Variants in PDS5B observed in about 807,000 individuals in gnomAD.
PDS5B encodes the protein PDS5 cohesin associated factor B.
A neutral mutation model predicts 184.1 loss-of-function variants in PDS5B; 51 were observed. That is an observed-to-expected ratio of 0.28 (90% CI 0.22 to 0.35). The LOEUF (loss-of-function observed/expected upper bound fraction) is 0.35, where lower values mean the gene tolerates loss of function less well. Among genes scored for constraint, PDS5B ranks in the 10% least tolerant of loss-of-function variants. PDS5B has a pLI of 1.00. For missense variants in PDS5B, 1,180 were observed against 1,723.3 expected, an observed-to-expected ratio of 0.68 and a Z score of 5.58; for synonymous variants, 566 against 569.2, an observed-to-expected ratio of 0.99 and a Z score of 0.08.
chr13:32,633,531 ATTAGATTTAGT>A (rs2058491215), intron 1 of PDS5B, among the ~76,000 whole-genome samples: 1 of 152,234 alleles, frequency 6.6e-6, no homozygotes, highest in African/African-American at 2.4e-5. Context: ...CTAGATTCAG[ATTAGATTTAGT>A]AATATTAATC....
At chr13:32,638,984 A>G (rs567445496) in intron 1 of PDS5B, among the ~76,000 whole-genome samples, 54 of 152,226 alleles carry the variant, frequency 3.5e-4, no homozygotes, top group African/African-American at 1.3e-3. Flanking sequence ...GCGGCGTTGT[A>G]CAAGAATGTG....
intron 13 of PDS5B, among the ~76,000 whole-genome samples, chr13:32,693,895 C>T (rs1951624760): frequency 6.6e-6 from 1 of 151,628 alleles, no homozygotes; most frequent in African/African-American, 2.4e-5. Flanking sequence ...TCTCTCATAA[C>T]TAATTCTTCT....
At chr13:32,745,853 A>C in intron 23 of PDS5B, 124 bp from the exon 24 acceptor site, 2 of 753,746 alleles carry the variant, frequency 2.7e-6, no homozygotes. Context: ...GGACACAAAC[A>C]TTCAGATCAC....
intron 1 of PDS5B, among the ~76,000 whole-genome samples, chr13:32,633,512 T>C (rs1289880115): frequency 6.6e-6 from 1 of 152,212 alleles, no homozygotes; most frequent in Admixed American, 6.5e-5. Context: ...GTAGATGTAA[T>C]CAGTGAGACT....
At chr13:32,739,484 T>G (rs537117925) in intron 21 of PDS5B, among the ~76,000 whole-genome samples, 2 of 152,366 alleles carry the variant, frequency 1.3e-5, no homozygotes, top group African/African-American at 4.8e-5. Flanking sequence ...TATTTGGTAA[T>G]TCTGATTTTA....
chr13:32,670,446 T>G (rs956374970), intron 7 of PDS5B, among the ~76,000 whole-genome samples: 3 of 152,194 alleles, frequency 2.0e-5, no homozygotes, highest in African/African-American at 7.2e-5. Context: ...CAGGCTGTTC[T>G]TGAATTGCTG....
intron 34 of PDS5B, among the ~76,000 whole-genome samples, chr13:32,773,863 G>A (rs375242599): frequency 1.3e-5 from 2 of 152,078 alleles, no homozygotes; most frequent in Admixed American, 6.5e-5. Flanking sequence ...GTATAGTGGC[G>A]CACGATCTGG....
intron 7 of PDS5B, among the ~76,000 whole-genome samples, chr13:32,669,013 C>T (rs1245068931): frequency 5.9e-5 from 9 of 152,134 alleles, no homozygotes; most frequent in Admixed American, 5.9e-4. Context: ...ATCTTAATTG[C>T]TCCAAGATTT....
At chr13:32,615,750 A>G (rs2140521030) in intron 1 of PDS5B, among the ~76,000 whole-genome samples, 1 of 152,314 alleles carries the variant, frequency 6.6e-6, no homozygotes, top group South Asian at 2.1e-4. Flanking sequence ...CTTAATAAGC[A>G]TGGATATAAA....
chr13:32,632,725 C>G (rs933529164), intron 1 of PDS5B, among the ~76,000 whole-genome samples: 1 of 152,128 alleles, frequency 6.6e-6, no homozygotes, highest in Non-Finnish European at 1.5e-5. Flanking sequence ...TTCACAGTAG[C>G]CAAGAATGGA....
chr13:32,620,108 T>G (rs983470667), intron 1 of PDS5B, among the ~76,000 whole-genome samples: 5 of 152,110 alleles, frequency 3.3e-5, no homozygotes, highest in African/African-American at 1.2e-4. Context: ...CCTGGTTAGA[T>G]TTTTAAAATG....
intron 19 of PDS5B, among the ~76,000 whole-genome samples, chr13:32,716,413 C>G (rs1321623280): frequency 3.3e-5 from 5 of 149,848 alleles, no homozygotes; most frequent in Admixed American, 2.0e-4. Context: ...AGTGAGGAGA[C>G]CCTCTGCCTG....
At chr13:32,713,270 A>G (rs1952265619) in intron 19 of PDS5B, among the ~76,000 whole-genome samples, 1 of 152,212 alleles carries the variant, frequency 6.6e-6, no homozygotes, top group African/African-American at 2.4e-5. Context: ...CATCCGGGAG[A>G]TGCTAACTAT....
chr13:32,625,869 G>A (rs890310558), intron 1 of PDS5B, among the ~76,000 whole-genome samples: 5 of 145,490 alleles, frequency 3.4e-5, no homozygotes, highest in Admixed American at 1.4e-4. Flanking sequence ...ACAGGGTCTC[G>A]CTTTGTTGCC....
At chr13:32,675,054 A>G (rs1333599086) in intron 8 of PDS5B, among the ~76,000 whole-genome samples, 1 of 151,940 alleles carries the variant, frequency 6.6e-6, no homozygotes, top group African/African-American at 2.4e-5. Context: ...GTTAGGTCAT[A>G]TTGTCGGGGC....
At chr13:32,743,141 G>A (rs1953618724) in intron 23 of PDS5B, among the ~76,000 whole-genome samples, 1 of 151,918 alleles carries the variant, frequency 6.6e-6, no homozygotes, top group Non-Finnish European at 1.5e-5. Context: ...TATTGAAAAT[G>A]AGCACACTTT....
At chr13:32,751,494 C>A (rs942850728) in intron 24 of PDS5B, among the ~76,000 whole-genome samples, 1 of 152,196 alleles carries the variant, frequency 6.6e-6, no homozygotes, top group Non-Finnish European at 1.5e-5. Flanking sequence ...TTAGTGCTCC[C>A]CTTTCTCCAC....
chr13:32,612,787 A>G (rs567347102), intron 1 of PDS5B, among the ~76,000 whole-genome samples: 1 of 152,334 alleles, frequency 6.6e-6, no homozygotes, highest in Admixed American at 6.5e-5. Context: ...ATTATGTGGC[A>G]GTAAGAAGAC....
intron 6 of PDS5B, among the ~76,000 whole-genome samples, chr13:32,662,939 T>C (rs1030191294): frequency 1.3e-5 from 2 of 152,088 alleles, no homozygotes; most frequent in African/African-American, 4.8e-5. Flanking sequence ...CAAAAGACAA[T>C]TCCATGAGGA....
Sources: gnomAD v4.1 joint callset for allele counts (sites outside exome capture counted in the v4.1 genomes callset) on GRCh38, gnomAD v4.1.1 for gene constraint, MANE v1.5 for transcripts, NCBI Gene and HGNC (gene_info 2026-07-23, HGNC 2026-07-21) for gene names.